Variants in ARIH1 observed in about 807,000 individuals in gnomAD.
ARIH1 encodes the protein ariadne RBR E3 ubiquitin protein ligase 1.
ARIH1 carries 8 observed loss-of-function variants against 85.0 expected under a neutral mutation model. That is an observed-to-expected ratio of 0.09 (90% CI 0.06 to 0.17). The LOEUF (loss-of-function observed/expected upper bound fraction) is 0.17, where lower values mean the gene tolerates loss of function less well. ARIH1 is among the 10% of genes least tolerant of loss of function. ARIH1 has a pLI of 1.00. For synonymous variants in ARIH1, 238 were observed against 253.6 expected (o/e 0.94, Z 0.59); for missense variants, 311 against 718.1 (o/e 0.43, Z 6.48).
intron 2 of ARIH1, among the ~76,000 whole-genome samples, chr15:72,522,343 A>T (rs1014547825): frequency 1.3e-5 from 2 of 152,170 alleles, no homozygotes; most frequent in African/African-American, 2.4e-5. Context: ...GTGAAACCCC[A>T]TCTTTACTAA....
At chr15:72,526,877 A>T (rs57267909) in intron 2 of ARIH1, among the ~76,000 whole-genome samples, 5,615 of 53,496 alleles carry the variant, frequency 0.1, 322 homozygotes, top group African/African-American at 0.18. Context: ...TTTTTTTTTT[A>T]AATCTCTGCA....
At chr15:72,576,367 G>A (rs2064271200) in intron 11 of ARIH1, among the ~76,000 whole-genome samples, 2 of 152,048 alleles carry the variant, frequency 1.3e-5, no homozygotes. Context: ...TTAGCTGGGC[G>A]TGGTGGCGGG....
chr15:72,556,811 T>C (rs1409968761), intron 5 of ARIH1, among the ~76,000 whole-genome samples: 1 of 152,222 alleles, frequency 6.6e-6, no homozygotes, highest in African/African-American at 2.4e-5. Context: ...AATGAGAACA[T>C]GTGGTATTGA....
intron 1 of ARIH1, among the ~76,000 whole-genome samples, chr15:72,503,715 G>T (rs1430093701): frequency 6.6e-6 from 1 of 152,214 alleles, no homozygotes; most frequent in Non-Finnish European, 1.5e-5. Context: ...TGTGATGCAG[G>T]ATTTTTCTTG....
chr15:72,505,543 T>C (rs1035111679), intron 1 of ARIH1, among the ~76,000 whole-genome samples: 3 of 152,188 alleles, frequency 2.0e-5, no homozygotes, highest in African/African-American at 7.2e-5. Flanking sequence ...AATGTGGATG[T>C]GAAAATTCTT....
chr15:72,528,919 G>A (rs1385255343), intron 2 of ARIH1, among the ~76,000 whole-genome samples: 1 of 152,138 alleles, frequency 6.6e-6, no homozygotes. Context: ...GCAAATGTAC[G>A]GCTGGGTGTG....
chr15:72,595,980 T>C lies in ARIH1; in HGVS notation c.*12688T>C, dbSNP rs28607101. On this transcript the variant is annotated 3_prime_UTR_variant, in exon 14 of 14. Coordinates refer to ENST00000379887, the MANE Select transcript of ARIH1 (RefSeq NM_005744.5). Reference sequence around the variant, plus strand: ...GGATTATAGGCACATGTCACCAAGCTCAGCTAACTTTTATATTTTTAGTAG... The same window carrying C: ...GGATTATAGGCACATGTCACCAAGCCCAGCTAACTTTTATATTTTTAGTAG... The C allele has an allele frequency of 0.15, 22,384 of 151,900 alleles. 3,727 individuals are homozygous for C. The highest frequency in any genetic ancestry group is 0.41 in the African/African-American group (16,962 of 41,332). 9.4% of individuals were successfully genotyped at this position (151,900 alleles called of 1,614,324 possible). A position where few individuals can be genotyped will look rare whatever the true frequency, so the allele number is the denominator to read the frequency against.
chr15:72,539,841 AG>A (rs902957767), intron 2 of ARIH1, among the ~76,000 whole-genome samples: 4 of 152,212 alleles, frequency 2.6e-5, no homozygotes, highest in Admixed American at 2.0e-4. Context: ...TGAGGAGGGA[AG>A]GGATTTTGGC....
chr15:72,474,512 C>T lies in ARIH1; in HGVS notation c.-128C>T. ...AACCGCCGCTCCTGGGGAGGAGCCGCGGCTCGCGGGGCCGGAGCCAGGCCT... is the reference window on the plus strand; with the variant it reads ...AACCGCCGCTCCTGGGGAGGAGCCGTGGCTCGCGGGGCCGGAGCCAGGCCT... On this transcript the variant is annotated 5_prime_UTR_variant, in exon 1 of 14. Transcript: ENST00000379887. 8.1e-7 allele frequency: 1 copy of T among 1,239,026 alleles called. No individual in the cohort carries two copies. The highest frequency in any genetic ancestry group is 1.1e-6 in the Non-Finnish European group (1 of 941,404). The allele number at this position is 1,239,026 out of a possible 1,614,324, so 76.8% of individuals were successfully genotyped here.
chr15:72,570,343 AT>A (rs1226623321), intron 10 of ARIH1, 36 bp downstream of exon 10: 1 of 1,612,500 alleles, frequency 6.2e-7, no homozygotes, highest in East Asian at 2.2e-5. Context: ...ATGTGTTTAC[AT>A]AAGTATGTGC....
intron 1 of ARIH1, among the ~76,000 whole-genome samples, chr15:72,497,694 A>T (rs972982919): frequency 6.6e-6 from 1 of 152,206 alleles, no homozygotes; most frequent in South Asian, 2.1e-4. Flanking sequence ...CTATGCTGTT[A>T]TGCTTCTAAA....
chr15:72,534,901 A>G (rs1338725040), intron 2 of ARIH1, among the ~76,000 whole-genome samples: 3 of 150,982 alleles, frequency 2.0e-5, no homozygotes, highest in Non-Finnish European at 4.4e-5. Context: ...CATAGCCATC[A>G]CGTACAATTC....
At chr15:72,480,817 G>A (rs1285686854) in intron 1 of ARIH1, among the ~76,000 whole-genome samples, 1 of 152,136 alleles carries the variant, frequency 6.6e-6, no homozygotes, top group East Asian at 1.9e-4. Context: ...TGCCCGCCTC[G>A]GCCTCCCAAA....
At chr15:72,486,547 A>G (rs1188568484) in intron 1 of ARIH1, among the ~76,000 whole-genome samples, 1 of 152,082 alleles carries the variant, frequency 6.6e-6, no homozygotes, top group East Asian at 1.9e-4. Flanking sequence ...AGCTTGGGGT[A>G]TAGTTGATGC....
chr15:72,534,224 A>T (rs1185889649), intron 2 of ARIH1, among the ~76,000 whole-genome samples: 1 of 152,156 alleles, frequency 6.6e-6, no homozygotes, highest in Non-Finnish European at 1.5e-5. Context: ...GTAGCTATTT[A>T]AAAAGGGCAG....
At chr15:72,489,794 T>C (rs1432877435) in intron 1 of ARIH1, among the ~76,000 whole-genome samples, 2 of 152,198 alleles carry the variant, frequency 1.3e-5, no homozygotes, top group Non-Finnish European at 2.9e-5. Flanking sequence ...TCTTTTGAAA[T>C]GTTATTTTTA....
At chr15:72,528,752 G>A (rs1441310210) in intron 2 of ARIH1, among the ~76,000 whole-genome samples, 1 of 152,174 alleles carries the variant, frequency 6.6e-6, no homozygotes, top group East Asian at 1.9e-4. Context: ...CTACTCAGAA[G>A]GCTGAGGCAG....
rs1158615290 is a variant in ARIH1 at position 72,592,223 on chromosome 15, A to G, written c.*8931A>G. The G allele has an allele frequency of 1.3e-5, 2 of 152,232 alleles. No individual in the cohort carries two copies. The highest frequency in any genetic ancestry group is 2.9e-5 in the Non-Finnish European group (2 of 68,040). 9.4% of individuals were successfully genotyped at this position (152,232 alleles called of 1,614,324 possible). A position where few individuals can be genotyped will look rare whatever the true frequency, so the allele number is the denominator to read the frequency against. On this transcript the variant is annotated 3_prime_UTR_variant, in exon 14 of 14. Transcript: ENST00000379887. ...GAAATAAATGACTGTTGTTTCCACAAAATTGCTTTACAGATTCTAAATGCT... is the reference window on the plus strand; with the variant it reads ...GAAATAAATGACTGTTGTTTCCACAGAATTGCTTTACAGATTCTAAATGCT...
At chr15:72,497,592 G>T (rs2063884949) in intron 1 of ARIH1, among the ~76,000 whole-genome samples, 1 of 152,158 alleles carries the variant, frequency 6.6e-6, no homozygotes, top group Admixed American at 6.5e-5. Flanking sequence ...GGCTTATAAG[G>T]TTAAGTGTTA....
Sources: allele counts gnomAD v4.1 joint callset (sites outside exome capture counted in the v4.1 genomes callset), GRCh38; gene constraint gnomAD v4.1.1; transcripts MANE v1.5; gene names NCBI Gene and HGNC (gene_info 2026-07-23, HGNC 2026-07-21).